Variants in DNAH14 observed in about 807,000 individuals in gnomAD.
DNAH14 encodes dynein axonemal heavy chain 14.
A neutral mutation model predicts 520.9 loss-of-function variants in DNAH14; 478 were observed. The observed-to-expected ratio is 0.92, with a 90% CI of 0.85 to 0.99. The LOEUF (loss-of-function observed/expected upper bound fraction) is 0.99, where lower values mean the gene tolerates loss of function less well. Ranked by LOEUF, DNAH14 falls within the 50% of genes least tolerant of loss-of-function variation. The pLI is 0.00. For missense variants in DNAH14, 4,831 were observed against 5,234.5 expected, an observed-to-expected ratio of 0.92 and a Z score of 2.38; for synonymous variants, 1,581 against 1,757.2, an observed-to-expected ratio of 0.90 and a Z score of 2.51.
At chr1:225,288,796 A>G (rs2149982940) in intron 54 of DNAH14, among the ~76,000 whole-genome samples, 1 of 152,318 alleles carries the variant, frequency 6.6e-6, no homozygotes, top group East Asian at 1.9e-4. Flanking sequence ...GCTATAATCA[A>G]AAAGATAGTT....
Position 225,270,745 on chromosome 1 carries a change from A to T in DNAH14, c.7550A>T (p.Asp2517Val). 1.3e-6 allele frequency: 2 copies of T among 1,551,008 alleles called. No individual in the cohort carries two copies. Among genetic ancestry groups the T allele is most frequent in the East Asian group, 2.4e-5 (1 of 40,870 alleles). Residue 2517 changes from aspartate to valine, a missense_variant, in exon 50 of 86, where the codon GAT becomes GTT. Asp to Val is a radical substitution (Grantham distance 152). Coordinates refer to ENST00000682510, the MANE Select transcript of DNAH14 (RefSeq NM_001367479.1). ...TTATCCTTATCACAGAATATTCAAG[A>T]TCTGTCTATAGTTGCAGCTTGTGTT... ...TEKNTWKNIQ[D>V]LSIVAACVPV...
At chr1:225,147,942 T>G (rs1430679705) in intron 31 of DNAH14, among the ~76,000 whole-genome samples, 1 of 152,222 alleles carries the variant, frequency 6.6e-6, no homozygotes, top group Non-Finnish European at 1.5e-5. Flanking sequence ...GTTCCATCCA[T>G]GTTCCTGCAA....
At chr1:225,267,575 C>G (rs2093165605) in intron 49 of DNAH14, among the ~76,000 whole-genome samples, 1 of 152,092 alleles carries the variant, frequency 6.6e-6, no homozygotes, top group South Asian at 2.1e-4. Context: ...CAGGCGTGAG[C>G]CACCATGCCC....
At chr1:224,953,806 T>C (rs1029937508) in intron 2 of DNAH14, among the ~76,000 whole-genome samples, 1 of 152,170 alleles carries the variant, frequency 6.6e-6, no homozygotes, top group Non-Finnish European at 1.5e-5. Context: ...TAAAGACTTA[T>C]GTATTAATTA....
chr1:225,051,356 A>G (rs2068517345), intron 16 of DNAH14, 95 bp from the exon 17 acceptor site: 1 of 897,368 alleles, frequency 1.1e-6, no homozygotes, highest in Admixed American at 3.5e-5. Context: ...ACATAGCACT[A>G]TTATTTTATT....
intron 35 of DNAH14, among the ~76,000 whole-genome samples, chr1:225,165,499 C>T (rs1165168596): frequency 6.6e-6 from 1 of 151,372 alleles, no homozygotes; most frequent in Non-Finnish European, 1.5e-5. Context: ...TAAAACTAAG[C>T]TTAGTTATTT....
intron 81 of DNAH14, among the ~76,000 whole-genome samples, chr1:225,383,965 A>C (rs2095808943): frequency 6.6e-6 from 1 of 152,192 alleles, no homozygotes; most frequent in African/African-American, 2.4e-5. Flanking sequence ...TTCAAAGAAC[A>C]TCTTTATTTC....
intron 8 of DNAH14, among the ~76,000 whole-genome samples, chr1:224,990,245 T>G (rs375150911): frequency 1.6e-4 from 25 of 152,350 alleles, no homozygotes; most frequent in African/African-American, 5.5e-4. Context: ...TTAAAGTTTA[T>G]GAATACAACG....
intron 17 of DNAH14, among the ~76,000 whole-genome samples, chr1:225,066,048 A>G (rs1455891235): frequency 6.6e-6 from 1 of 152,052 alleles, no homozygotes; most frequent in African/African-American, 2.4e-5. Context: ...GATAATAACT[A>G]TTCTGACAGG....
At chr1:224,978,321 A>G (rs1430941022) in intron 8 of DNAH14, among the ~76,000 whole-genome samples, 1 of 152,258 alleles carries the variant, frequency 6.6e-6, no homozygotes, top group East Asian at 1.9e-4. Context: ...ATACTATTCA[A>G]CCAGAAAAAA....
intron 84 of DNAH14, 118 bp downstream of exon 84, chr1:225,392,569 C>T (rs574868267): frequency 2.1e-5 from 27 of 1,257,916 alleles, no homozygotes; most frequent in Non-Finnish European, 2.7e-5. Flanking sequence ...AGGCACTAGA[C>T]AGGCAGATCA....
intron 37 of DNAH14, among the ~76,000 whole-genome samples, chr1:225,186,835 G>A (rs2084822359): frequency 1.3e-5 from 2 of 151,628 alleles, no homozygotes; most frequent in South Asian, 4.1e-4. Context: ...ATTCTCACAT[G>A]TTTAATAGTT....
chr1:224,991,794 A>G (rs935662636), intron 8 of DNAH14, among the ~76,000 whole-genome samples: 4 of 152,058 alleles, frequency 2.6e-5, no homozygotes, highest in African/African-American at 7.2e-5. Flanking sequence ...TATCCAGTCT[A>G]TCATTGATGG....
At chr1:225,238,532 T>G (rs889240241) in intron 42 of DNAH14, among the ~76,000 whole-genome samples, 1 of 152,168 alleles carries the variant, frequency 6.6e-6, no homozygotes, top group Admixed American at 6.5e-5. Flanking sequence ...GTTTCCGGCC[T>G]GAACGCTCCT....
At chr1:225,305,681 A>G (rs2094224793) in intron 58 of DNAH14, among the ~76,000 whole-genome samples, 1 of 152,196 alleles carries the variant, frequency 6.6e-6, no homozygotes, top group South Asian at 2.1e-4. Context: ...GTGTCCTGCC[A>G]ACACTTAGAT....
intron 52 of DNAH14, among the ~76,000 whole-genome samples, chr1:225,274,644 A>G (rs672951): frequency 0.15 from 22,633 of 152,242 alleles, 1,952 homozygotes; most frequent in East Asian, 0.36. Flanking sequence ...ACCATAATTC[A>G]GTTTTGAGAC....
chr1:224,972,786 A>G (rs574488216), intron 7 of DNAH14, among the ~76,000 whole-genome samples: 4 of 152,130 alleles, frequency 2.6e-5, no homozygotes, highest in Non-Finnish European at 4.4e-5. Flanking sequence ...TAATATCTTT[A>G]TAGTTTTTCT....
At chr1:225,233,097 G>C (rs2091272128) in intron 42 of DNAH14, among the ~76,000 whole-genome samples, 1 of 152,074 alleles carries the variant, frequency 6.6e-6, no homozygotes, top group Admixed American at 6.5e-5. Context: ...TGAGGATAAG[G>C]GCTTCCAGCT....
At chr1:225,187,403 A>G (rs1490063973) in intron 37 of DNAH14, among the ~76,000 whole-genome samples, 3 of 151,706 alleles carry the variant, frequency 2.0e-5, no homozygotes, top group Non-Finnish European at 3.0e-5. Flanking sequence ...ATATAGATAT[A>G]TATCTGGGTT....
Sources: gnomAD v4.1 joint callset for allele counts (sites outside exome capture counted in the v4.1 genomes callset) on GRCh38, gnomAD v4.1.1 for gene constraint, MANE v1.5 for transcripts, NCBI Gene and HGNC (gene_info 2026-07-23, HGNC 2026-07-21) for gene names.